XKR9: variants seen among roughly 807,000 people sequenced by gnomAD.
XKR9 encodes the protein XK-related protein 9.
Under a neutral mutation model 32.0 loss-of-function variants are expected in XKR9, and 32 were observed. The observed-to-expected ratio is 1.00, with a 90% CI of 0.76 to 1.34. The LOEUF is 1.34. Among genes scored for constraint, XKR9 ranks in the 40% most tolerant of loss-of-function variants. The pLI, the probability that XKR9 is intolerant of heterozygous loss-of-function variation, is 0.00. For synonymous variants in XKR9, 168 were observed against 143.4 expected, an observed-to-expected ratio of 1.17 and a Z score of -1.22; for missense variants, 546 against 429.7, an observed-to-expected ratio of 1.27 and a Z score of -2.39.
At chr8:70,936,437 A>T in the XKR9 span, among the ~76,000 whole-genome samples, 36 of 152,030 alleles carry the variant, frequency 2.4e-4, no homozygotes, top group Non-Finnish European at 4.9e-4. Context: ...GTCTGGGATG[A>T]TTTTAAATAA....
intron 3 of XKR9, among the ~76,000 whole-genome samples, chr8:70,704,665 T>G (rs1563435730): frequency 6.6e-6 from 1 of 152,200 alleles, no homozygotes; most frequent in Non-Finnish European, 1.5e-5. Context: ...TTCTGCTGTG[T>G]GTAATAATTA....
chr8:70,846,577 T>C, the XKR9 span, among the ~76,000 whole-genome samples: 1 of 152,068 alleles, frequency 6.6e-6, no homozygotes, highest in African/African-American at 2.4e-5. Flanking sequence ...ACTTAAAAGA[T>C]ATAGATTGGC....
chr8:70,814,227 G>A, the XKR9 span, among the ~76,000 whole-genome samples: 2 of 152,008 alleles, frequency 1.3e-5, no homozygotes, highest in African/African-American at 4.8e-5. Flanking sequence ...GTCACTCATA[G>A]GTGGAATTGA....
At chr8:70,988,786 A>G in the XKR9 span, among the ~76,000 whole-genome samples, 1 of 152,158 alleles carries the variant, frequency 6.6e-6, no homozygotes, top group African/African-American at 2.4e-5. Context: ...TTCATCTTAC[A>G]ATGCTGAATC....
chr8:71,026,599 G>T, the XKR9 span, among the ~76,000 whole-genome samples: 1 of 152,248 alleles, frequency 6.6e-6, no homozygotes, highest in East Asian at 1.9e-4. Context: ...CAAATGCGTT[G>T]GAGTTATTTG....
At chr8:70,936,060 A>C in the XKR9 span, among the ~76,000 whole-genome samples, 2 of 152,010 alleles carry the variant, frequency 1.3e-5, no homozygotes, top group Non-Finnish European at 2.9e-5. Flanking sequence ...AACTGAAATG[A>C]GATGCTCTTT....
the XKR9 span, among the ~76,000 whole-genome samples, chr8:70,799,947 A>G: frequency 3.9e-5 from 6 of 152,178 alleles, no homozygotes; most frequent in African/African-American, 1.4e-4. Context: ...GCTGGTTTTC[A>G]AGGAGAATGT....
At chr8:70,749,637 G>A (rs974065149) in intron 2 of XKR9, among the ~76,000 whole-genome samples, 2 of 152,186 alleles carry the variant, frequency 1.3e-5, no homozygotes, top group Non-Finnish European at 2.9e-5. Flanking sequence ...TCACCACTCT[G>A]TGCCTGGCTC....
At chr8:70,720,363 C>A (rs992938135) in intron 4 of XKR9, among the ~76,000 whole-genome samples, 3 of 152,056 alleles carry the variant, frequency 2.0e-5, no homozygotes, top group Non-Finnish European at 4.4e-5. Context: ...GAGAGGGCAT[C>A]CTTGTCTTGT....
intron 2 of XKR9, among the ~76,000 whole-genome samples, chr8:70,676,346 A>G (rs1818888535): frequency 6.6e-6 from 1 of 152,182 alleles, no homozygotes. Context: ...TGGTAGGGAC[A>G]TATATTCAGA....
At chr8:70,976,698 G>A in the XKR9 span, among the ~76,000 whole-genome samples, 9 of 152,144 alleles carry the variant, frequency 5.9e-5, no homozygotes, top group African/African-American at 2.2e-4. Flanking sequence ...TTATGTCTTT[G>A]CTAAGCTTTG....
the XKR9 span, among the ~76,000 whole-genome samples, chr8:71,050,413 C>T: frequency 0.023 from 3,550 of 151,322 alleles, 141 homozygotes; most frequent in African/African-American, 0.082. Flanking sequence ...ATAATAAAAT[C>T]ATATATGAGG....
the XKR9 span, among the ~76,000 whole-genome samples, chr8:70,867,704 GGCCTTCCAGAGTGCTGGGATTAC>G: frequency 9.6e-4 from 146 of 152,186 alleles, no homozygotes; most frequent in Middle Eastern, 6.8e-3. Context: ...CACCCACCTT[GGCCTTCCAGAGTGCTGGGATTAC>G]AGGCATGAGC....
chr8:70,839,335 A>G, the XKR9 span, among the ~76,000 whole-genome samples: 1 of 152,164 alleles, frequency 6.6e-6, no homozygotes, highest in Admixed American at 6.6e-5. Flanking sequence ...CTGAATCTGC[A>G]CCGTTGTCCC....
At chr8:71,028,925 A>T in the XKR9 span, among the ~76,000 whole-genome samples, 1 of 152,000 alleles carries the variant, frequency 6.6e-6, no homozygotes, top group Non-Finnish European at 1.5e-5. Context: ...AGAGAGAGAG[A>T]CAGAGAAATT....
chr8:70,893,760 A>G, the XKR9 span, among the ~76,000 whole-genome samples: 1 of 152,132 alleles, frequency 6.6e-6, no homozygotes. Flanking sequence ...GATGAGACTT[A>G]GCCAAGGGGA....
chr8:70,880,923 A>T, the XKR9 span, among the ~76,000 whole-genome samples: 12 of 152,330 alleles, frequency 7.9e-5, no homozygotes, highest in African/African-American at 2.9e-4. Context: ...CAAAACAGAT[A>T]TATTTTCAAA....
At chr8:70,862,849 T>G in the XKR9 span, among the ~76,000 whole-genome samples, 6 of 152,014 alleles carry the variant, frequency 3.9e-5, no homozygotes, top group African/African-American at 1.4e-4. Context: ...TGAGAGAAAG[T>G]ATATTAGGAG....
At chr8:71,026,280 T>G in the XKR9 span, among the ~76,000 whole-genome samples, 1 of 152,212 alleles carries the variant, frequency 6.6e-6, no homozygotes, top group Non-Finnish European at 1.5e-5. Flanking sequence ...ATTTCCTACT[T>G]CCAATGGTTT....
Sources: allele counts gnomAD v4.1 joint callset (sites outside exome capture counted in the v4.1 genomes callset), GRCh38; gene constraint gnomAD v4.1.1; transcripts MANE v1.5; gene names NCBI Gene and HGNC (gene_info 2026-07-23, HGNC 2026-07-21).